The following RCAN1 variants were observed in gnomAD, a reference collection of about 807,000 sequenced individuals.
The protein encoded by RCAN1 is regulator of calcineurin 1.
RCAN1 carries 11 observed loss-of-function variants against 22.9 expected under a neutral mutation model. The ratio of observed to expected loss-of-function variants is 0.48; its 90% CI spans 0.30 to 0.79. The LOEUF (loss-of-function observed/expected upper bound fraction) is 0.79, where lower values mean the gene tolerates loss of function less well. Ranked by LOEUF, RCAN1 falls within the 30% of genes least tolerant of loss-of-function variation. RCAN1 has a pLI of 0.06. For missense variants in RCAN1, 291 were observed against 337.8 expected (o/e 0.86, Z 1.09); for synonymous variants, 136 against 142.3 (o/e 0.96, Z 0.32).
At chr21:34,602,793 T>C (rs551797167) in intron 1 of RCAN1, among the ~76,000 whole-genome samples, 23 of 152,334 alleles carry the variant, frequency 1.5e-4, no homozygotes, top group African/African-American at 5.5e-4. Flanking sequence ...ATCTCTGAAA[T>C]AAAATGTTTT....
intron 1 of RCAN1, among the ~76,000 whole-genome samples, chr21:34,540,290 A>T (rs777770607): frequency 3.3e-5 from 5 of 152,206 alleles, no homozygotes; most frequent in Non-Finnish European, 7.3e-5. Flanking sequence ...CCAGGCAGTA[A>T]GTCAGTTACA....
intron 1 of RCAN1, among the ~76,000 whole-genome samples, chr21:34,547,108 C>G (rs765070966): frequency 1.3e-4 from 20 of 152,314 alleles, no homozygotes; most frequent in Non-Finnish European, 2.4e-4. Flanking sequence ...AACTCCTACT[C>G]AGCTGCAGCC....
Position 34,518,389 on chromosome 21 carries a change from G to A in RCAN1, c.587-133C>T. 2 of 898,668 alleles carry A rather than the reference G, an allele frequency of 2.2e-6. No homozygotes were observed. Among genetic ancestry groups the A allele is most frequent in the Non-Finnish European group, 1.6e-6 (1 of 606,486 alleles). 55.7% of individuals were successfully genotyped at this position (898,668 alleles called of 1,614,324 possible). On this transcript the variant is annotated intron_variant, in intron 3 of 3. Transcript: ENST00000313806. The surrounding 1 kb of genome is among the most constrained non-coding windows in gnomAD (Gnocchi z 4.2). ...TCGATTGGGCTGAGAGACACAGCCA[G>A]ACATATTTTGGGTTTGTATTTCTTT...
rs538734225 is a variant in RCAN1, at chr21:34,603,292, A to G, written c.252+11468T>C. ...CGGTGCAAAGCTCTCCGGCCCCTCC[A>G]CAAGCTGGAGACTGCTTCTCCCTAC... On this transcript the variant is annotated intron_variant, in intron 1 of 3. Transcript: ENST00000313806. Among the ~76,000 whole-genome samples, 3 of 152,220 alleles carry G rather than the reference A, an allele frequency of 2.0e-5. No individual in the cohort carries two copies. The East Asian group carries it at 5.8e-4, about 29-fold the overall frequency.
chr21:34,548,903 T>C (rs2123640781), intron 1 of RCAN1, among the ~76,000 whole-genome samples: 1 of 152,346 alleles, frequency 6.6e-6, no homozygotes, highest in Middle Eastern at 3.4e-3. Flanking sequence ...GAAAAATGCC[T>C]ACTTTTCCTC....
chr21:34,519,397 C>CTTTTTT (rs34152667), intron 3 of RCAN1, among the ~76,000 whole-genome samples: 71 of 102,760 alleles, frequency 6.9e-4, no homozygotes, highest in Middle Eastern at 5.2e-3. Flanking sequence ...TTCTTTCTTT[C>CTTTTTT]TTTTTTTTTT....
intron 1 of RCAN1, among the ~76,000 whole-genome samples, chr21:34,594,466 C>T (rs1471849974): frequency 2.6e-5 from 4 of 152,122 alleles, no homozygotes; most frequent in East Asian, 3.8e-4. Context: ...ACAGGAGAAT[C>T]GCTTGAACCC....
intron 1 of RCAN1, among the ~76,000 whole-genome samples, chr21:34,601,935 T>A (rs556251086): frequency 1.3e-5 from 2 of 151,798 alleles, no homozygotes; most frequent in South Asian, 4.2e-4. Flanking sequence ...AGCTGAGCCA[T>A]GAAAATTACT....
At chr21:34,610,111 T>C (rs986161383) in intron 1 of RCAN1, among the ~76,000 whole-genome samples, 5 of 152,188 alleles carry the variant, frequency 3.3e-5, no homozygotes, top group Admixed American at 6.5e-5. Flanking sequence ...GTTACTCTCC[T>C]GCTAGGATGT....
chr21:34,607,101 C>T (rs1028482475), intron 1 of RCAN1, among the ~76,000 whole-genome samples: 1 of 152,122 alleles, frequency 6.6e-6, no homozygotes, highest in Non-Finnish European at 1.5e-5. Context: ...TCATGCGGCA[C>T]CTGCTGAAAT....
intron 1 of RCAN1, among the ~76,000 whole-genome samples, chr21:34,555,041 G>A (rs893981283): frequency 2.6e-5 from 4 of 152,238 alleles, no homozygotes; most frequent in African/African-American, 9.6e-5. Flanking sequence ...TAGGGACTCA[G>A]AGCCAAACCA....
intron 1 of RCAN1, among the ~76,000 whole-genome samples, chr21:34,592,919 C>T (rs1988022226): frequency 6.6e-6 from 1 of 152,134 alleles, no homozygotes; most frequent in Non-Finnish European, 1.5e-5. Context: ...TTCTTCTAAG[C>T]GCATGTGGGA....
At chr21:34,584,810 A>G (rs1391733948) in intron 1 of RCAN1, among the ~76,000 whole-genome samples, 1 of 152,206 alleles carries the variant, frequency 6.6e-6, no homozygotes, top group Non-Finnish European at 1.5e-5. Context: ...CTGCTTTCTG[A>G]CTTTCACCAG....
chr21:34,596,736 C>T (rs531539534), intron 1 of RCAN1, among the ~76,000 whole-genome samples: 16 of 152,322 alleles, frequency 1.1e-4, no homozygotes, highest in African/African-American at 3.8e-4. Context: ...GGGTGCTTTC[C>T]ACCTCGACAA....
In RCAN1 at chr21:34,583,113, A is replaced by G. The variant is rs78633101; in HGVS notation, c.252+31647T>C. On this transcript the variant is annotated intron_variant, in intron 1 of 3. Transcript: ENST00000313806. Reference sequence around the variant, plus strand: ...ATGTTCATGTCCTTCACTCCCCACAAGTTTATGTGTTGAAGCCCTAACCAT... The same window carrying G: ...ATGTTCATGTCCTTCACTCCCCACAGGTTTATGTGTTGAAGCCCTAACCAT... Among the ~76,000 whole-genome samples, 1,238 of 151,628 alleles carry G rather than the reference A, an allele frequency of 8.2e-3. 4 individuals carry two copies. The highest frequency in any genetic ancestry group is 0.013 in the Non-Finnish European group (863 of 67,940).
Position 34,517,739 on chromosome 21 carries a change from A to G in RCAN1, c.*345T>C, listed in dbSNP as rs1176309004. On this transcript the variant is annotated 3_prime_UTR_variant, in exon 4 of 4. Transcript: ENST00000313806. ...CTTAGAAACAGGAAGCTCTCTCCTGAGCTCACTGATCAACCTGCCCTTGGC... is the reference window on the plus strand; with the variant it reads ...CTTAGAAACAGGAAGCTCTCTCCTGGGCTCACTGATCAACCTGCCCTTGGC... The G allele has an allele frequency of 2.1e-5, 5 of 235,220 alleles. No individual in the cohort carries two copies. The highest frequency in any genetic ancestry group is 1.1e-4 in the African/African-American group (5 of 44,152). The allele number at this position is 235,220 out of a possible 1,614,324, so 14.6% of individuals were successfully genotyped here.
chr21:34,583,178 CTT>C (rs10708288), intron 1 of RCAN1, among the ~76,000 whole-genome samples: 10,387 of 114,284 alleles, frequency 0.091, 388 homozygotes, highest in East Asian at 0.17. Context: ...GCGATAGGGC[CTT>C]TTTTTTTTTT....
intron 1 of RCAN1, among the ~76,000 whole-genome samples, chr21:34,564,386 G>A (rs1986928713): frequency 6.6e-6 from 1 of 152,180 alleles, no homozygotes; most frequent in Non-Finnish European, 1.5e-5. Flanking sequence ...ATTGGTGGAG[G>A]AACCCGGACA....
chr21:34,596,559 C>T (rs1444314211), intron 1 of RCAN1, among the ~76,000 whole-genome samples: 2 of 152,180 alleles, frequency 1.3e-5, no homozygotes, highest in Non-Finnish European at 2.9e-5. Flanking sequence ...CACTCCCTGA[C>T]CACGGCAGGC....
Sources: allele counts gnomAD v4.1 joint callset (sites outside exome capture counted in the v4.1 genomes callset), GRCh38; gene constraint gnomAD v4.1.1; non-coding constraint Gnocchi (gnomAD v3.1); transcripts MANE v1.5; gene names NCBI Gene and HGNC (gene_info 2026-07-23, HGNC 2026-07-21).